DGKD: variants seen among roughly 807,000 people sequenced by gnomAD.
The protein encoded by DGKD is diacylglycerol kinase delta.
In DGKD, 68 loss-of-function variants were observed where a neutral mutation model predicts 154.4. The observed-to-expected ratio is 0.44, with a 90% confidence interval of 0.36 to 0.54. The LOEUF (loss-of-function observed/expected upper bound fraction) is 0.54, where lower values mean the gene tolerates loss of function less well. Among genes scored for constraint, DGKD ranks in the 20% least tolerant of loss-of-function variants. DGKD has a pLI of 0.00. For missense variants in DGKD, 1,343 were observed against 1,593.6 expected, an observed-to-expected ratio of 0.84 and a Z score of 2.68; for synonymous variants, 693 against 638.0, an observed-to-expected ratio of 1.09 and a Z score of -1.30.
At chr2:233,355,231 T>G (rs994487337) in intron 1 of DGKD, among the ~76,000 whole-genome samples, 8 of 152,090 alleles carry the variant, frequency 5.3e-5, no homozygotes, top group Non-Finnish European at 4.4e-5. Flanking sequence ...GGGATGCGCG[T>G]TCAGTGACCG....
intron 10 of DGKD, among the ~76,000 whole-genome samples, chr2:233,443,343 A>G (rs1207160002): frequency 6.6e-6 from 1 of 152,054 alleles, no homozygotes; most frequent in Non-Finnish European, 1.5e-5. Flanking sequence ...CTCTTTGAGT[A>G]TTCACCTTTT....
At chr2:233,429,565 C>T (rs1050575227) in intron 3 of DGKD, among the ~76,000 whole-genome samples, 1 of 152,190 alleles carries the variant, frequency 6.6e-6, no homozygotes, top group African/African-American at 2.4e-5. Context: ...AAATAGTTAT[C>T]TGCCTGCCTC....
chr2:233,403,027 A>G (rs1191711033), intron 3 of DGKD, among the ~76,000 whole-genome samples: 1 of 152,038 alleles, frequency 6.6e-6, no homozygotes, highest in Non-Finnish European at 1.5e-5. Context: ...GAGGGGAGGT[A>G]AGCTTCTCTG....
intron 17 of DGKD, 135 bp from the exon 18 acceptor site, chr2:233,451,829 T>A: frequency 1.3e-6 from 1 of 743,460 alleles, no homozygotes; most frequent in Non-Finnish European, 2.2e-6. Flanking sequence ...TTGGACATGG[T>A]TATACATAAT....
intron 3 of DGKD, among the ~76,000 whole-genome samples, chr2:233,400,537 C>T (rs2061534315): frequency 6.6e-6 from 1 of 152,238 alleles, no homozygotes; most frequent in African/African-American, 2.4e-5. Context: ...TTCCTAACTG[C>T]CTCTCCTCTC....
At position 233,458,321 on chromosome 2, in the gene DGKD, A is replaced by C; in HGVS notation, c.2618A>C (p.Glu873Ala). The change falls in exon 22 of 30, where the codon GAG becomes GCG. Residue 873 changes from glutamate to alanine, a missense_variant. By Grantham distance (107) the Glu-to-Ala change is moderately radical (BLOSUM62 -1). Coordinates refer to ENST00000264057, the MANE Select transcript of DGKD (RefSeq NM_152879.3). This position sits in a 1 kb window ranked among gnomAD's most constrained non-coding sequence, Gnocchi z 6.6. The part of the protein sequence containing the change: ...AAPSFDDKIL[E>A]VVAVFGSMQM... ...CCATCATTCGATGACAAGATTCTGGAGGTGGTCGCCGTGTTCGGCAGCATG... is the reference window on the plus strand; with the variant it reads ...CCATCATTCGATGACAAGATTCTGGCGGTGGTCGCCGTGTTCGGCAGCATG... The C allele has an allele frequency of 1.2e-6, 2 of 1,612,566 alleles. No individual in the cohort carries two copies. Among genetic ancestry groups the C allele is most frequent in the Non-Finnish European group, 1.7e-6 (2 of 1,179,778 alleles).
intron 1 of DGKD, among the ~76,000 whole-genome samples, chr2:233,355,032 C>T (rs1356639214): frequency 1.3e-5 from 2 of 151,872 alleles, no homozygotes; most frequent in Admixed American, 6.6e-5. Flanking sequence ...GCGGGTCCCA[C>T]GCGGGGGCTC....
chr2:233,469,451 C>G lies in DGKD; in HGVS notation c.3636C>G (p.Val1212=). The change falls in exon 30 of 30, where the codon GTC becomes GTG. Residue 1212 remains valine, a synonymous_variant. Transcript: ENST00000264057. ...IKELSRSAPA[V]EA is the part of the protein sequence containing the mutation. ...AGCTGAGCCGCAGCGCCCCCGCCGTCGAGGCCTAGCCTCTGTCCTCTCAGC... is the reference window on the plus strand; with the variant it reads ...AGCTGAGCCGCAGCGCCCCCGCCGTGGAGGCCTAGCCTCTGTCCTCTCAGC... The G allele has an allele frequency of 6.3e-7, 1 of 1,598,868 alleles. No homozygotes were observed. The highest frequency in any genetic ancestry group is 8.5e-7 in the Non-Finnish European group (1 of 1,173,976).
At chr2:233,389,792 CG>C (rs1285363252) in intron 2 of DGKD, among the ~76,000 whole-genome samples, 5 of 152,126 alleles carry the variant, frequency 3.3e-5, no homozygotes, top group Non-Finnish European at 7.4e-5. Flanking sequence ...GAGAGGGAGA[CG>C]GGGGAGGTCC....
intron 3 of DGKD, among the ~76,000 whole-genome samples, chr2:233,418,990 T>G (rs1430441436): frequency 1.3e-5 from 2 of 152,148 alleles, no homozygotes; most frequent in Non-Finnish European, 2.9e-5. Context: ...AGGAAGTCTG[T>G]TGTCTACGCA....
At chr2:233,403,920 G>A (rs1411633364) in intron 3 of DGKD, among the ~76,000 whole-genome samples, 1 of 152,092 alleles carries the variant, frequency 6.6e-6, no homozygotes, top group Admixed American at 6.5e-5. Context: ...GATTACAGGC[G>A]TGAGCCACTG....
chr2:233,378,695 T>C (rs1353095501), intron 1 of DGKD, among the ~76,000 whole-genome samples: 2 of 152,244 alleles, frequency 1.3e-5, no homozygotes, highest in Non-Finnish European at 2.9e-5. Context: ...TTTTTGCCCC[T>C]TTTTCTACCA....
intron 1 of DGKD, chr2:233,386,256 G>GA: frequency 3.2e-6 from 1 of 313,736 alleles, no homozygotes; most frequent in East Asian, 8.4e-5. Flanking sequence ...CGTCTTCACA[G>GA]TGAGGCCTTT....
chr2:233,469,413 TG>T lies in DGKD; in HGVS notation c.3599del (p.Cys1200LeufsTer6). On this transcript the variant is annotated frameshift_variant, in exon 30 of 30. Coordinates refer to ENST00000264057, the MANE Select transcript of DGKD (RefSeq NM_152879.3). LOFTEE classifies it high-confidence loss of function. ...GGTGGGCCACATGAAGAGGATCCTG[TG>T]TGGCATCAAGGAGCTGAGCCGCAGC... Reference protein sequence around the residue: ...TKVGHMKRILCGIKELSRSAP... With the variant: ...TKVGHMKRILXGIKELSRSAP... The T allele has an allele frequency of 6.2e-7, 1 of 1,611,426 alleles. No individual in the cohort carries two copies.
chr2:233,423,379 A>G (rs2125552878), intron 3 of DGKD, among the ~76,000 whole-genome samples: 1 of 152,280 alleles, frequency 6.6e-6, no homozygotes, highest in Admixed American at 6.5e-5. Flanking sequence ...ACCCAACAGT[A>G]AGATCCACTT....
intron 1 of DGKD, among the ~76,000 whole-genome samples, chr2:233,376,329 A>C (rs1178998576): frequency 2.0e-5 from 3 of 152,222 alleles, no homozygotes; most frequent in Non-Finnish European, 4.4e-5. Context: ...AGAGAGTTGA[A>C]ATCAGACAGA....
In DGKD at chr2:233,459,372, G is replaced by A. The variant is rs1431345276; in HGVS notation, c.2695-385G>A. 6.6e-6 allele frequency among the ~76,000 whole-genome samples: 1 copy of A among 152,172 alleles called. No individual in the cohort carries two copies. Among genetic ancestry groups the A allele is most frequent in the Non-Finnish European group, 1.5e-5 (1 of 68,026 alleles). On this transcript the variant is annotated intron_variant, in intron 22 of 29. Transcript: ENST00000264057. The surrounding 1 kb of genome is among the most constrained non-coding windows in gnomAD (Gnocchi z 5.7). ...GAAAAGGAGGAACGGGATGATGATG[G>A]ATGGCTCATCGTCATCCACTGTGCC...
intron 17 of DGKD, 70 bp downstream of exon 17, chr2:233,451,120 G>A: frequency 6.8e-7 from 1 of 1,475,572 alleles, no homozygotes. Flanking sequence ...AACTGAAAGA[G>A]ATGGGCTCGC....
rs893691497 is a variant in DGKD at position 233,450,188 on chromosome 2, G to A, written c.2038+57G>A. 3.7e-5 allele frequency: 57 copies of A among 1,520,914 alleles called. No individual in the cohort carries two copies. In the East Asian group the frequency reaches 5.4e-4, roughly 14 times the overall value. The allele number at this position is 1,520,914 out of a possible 1,614,324, so 94.2% of individuals were successfully genotyped here. A position where few individuals can be genotyped will look rare whatever the true frequency, so the allele number is the denominator to read the frequency against. On this transcript the variant is annotated intron_variant, in intron 16 of 29. Coordinates refer to ENST00000264057, the MANE Select transcript of DGKD (RefSeq NM_152879.3). ...GTCGTGTGCTTGGTTTTGGTGAGAC[G>A]TAGCGGGCTTGCCAGGGGAGGTTTT...
Sources: allele counts gnomAD v4.1 joint callset (sites outside exome capture counted in the v4.1 genomes callset), GRCh38; gene constraint gnomAD v4.1.1; non-coding constraint Gnocchi (gnomAD v3.1); transcripts MANE v1.5; gene names NCBI Gene and HGNC (gene_info 2026-07-23, HGNC 2026-07-21).